CDH12: variants seen among roughly 807,000 people sequenced by gnomAD.
CDH12 encodes the protein cadherin-12.
A neutral mutation model predicts 74.1 loss-of-function variants in CDH12; 41 were observed. The observed-to-expected ratio is 0.55, with a 90% confidence interval of 0.43 to 0.72. CDH12 has a LOEUF of 0.72. CDH12 is among the 30% of genes least tolerant of loss of function. The pLI is 0.00. For synonymous variants in CDH12, 399 were observed against 355.0 expected (o/e 1.12, Z -1.39); for missense variants, 945 against 977.2 (o/e 0.97, Z 0.44).
At chr5:22,290,386 A>T (rs990927519) in intron 3 of CDH12, among the ~76,000 whole-genome samples, 18 of 152,220 alleles carry the variant, frequency 1.2e-4, no homozygotes, top group African/African-American at 4.3e-4. Context: ...CAGGAGAGCC[A>T]TTCAATGGAA....
At chr5:22,201,118 T>C (rs1750902139) in intron 4 of CDH12, among the ~76,000 whole-genome samples, 3 of 152,138 alleles carry the variant, frequency 2.0e-5, no homozygotes, top group South Asian at 2.1e-4. Flanking sequence ...AACCAAATGA[T>C]AGCAACCATG....
At chr5:22,380,065 A>G (rs1372362854) in intron 3 of CDH12, among the ~76,000 whole-genome samples, 1 of 152,136 alleles carries the variant, frequency 6.6e-6, no homozygotes, top group African/African-American at 2.4e-5. Context: ...GGTCCTCTCA[A>G]ACATTAAAAA....
chr5:21,761,618 T>C (rs938237869), intron 12 of CDH12, among the ~76,000 whole-genome samples: 1 of 152,104 alleles, frequency 6.6e-6, no homozygotes, highest in African/African-American at 2.4e-5. Context: ...ACACTGATGC[T>C]ATTAAACGTG....
chr5:22,486,453 T>A (rs1746601712), intron 2 of CDH12, among the ~76,000 whole-genome samples: 1 of 150,410 alleles, frequency 6.6e-6, no homozygotes, highest in Non-Finnish European at 1.5e-5. Flanking sequence ...GTAATTTTTT[T>A]TTTTTTTTTT....
At chr5:22,151,362 C>T (rs1747571168) in intron 4 of CDH12, among the ~76,000 whole-genome samples, 2 of 152,170 alleles carry the variant, frequency 1.3e-5, no homozygotes, top group South Asian at 4.1e-4. Flanking sequence ...AAGGAACTCA[C>T]TTTGGGAAAT....
At chr5:21,800,133 A>G (rs1443969278) in intron 10 of CDH12, among the ~76,000 whole-genome samples, 2 of 152,122 alleles carry the variant, frequency 1.3e-5, no homozygotes, top group East Asian at 3.9e-4. Flanking sequence ...GGAAACACAT[A>G]ATTTATTTGG....
At chr5:22,639,390 G>A (rs1739017854) in intron 1 of CDH12, among the ~76,000 whole-genome samples, 1 of 143,206 alleles carries the variant, frequency 7.0e-6, no homozygotes, top group Non-Finnish European at 1.5e-5. Context: ...GGCTGGGCAA[G>A]TTTTTAAATC....
chr5:22,153,984 ATATATATGT>A (rs1747827106), intron 4 of CDH12, among the ~76,000 whole-genome samples: 2 of 148,164 alleles, frequency 1.3e-5, no homozygotes, highest in Non-Finnish European at 3.0e-5. Flanking sequence ...ACATGCACAG[ATATATATGT>A]ATATATATGT....
chr5:22,267,568 A>G (rs1580463148), intron 3 of CDH12, among the ~76,000 whole-genome samples: 1 of 152,230 alleles, frequency 6.6e-6, no homozygotes. Flanking sequence ...ATTCAAAGGT[A>G]TGTACTTCTG....
At chr5:21,810,472 C>A (rs1013453318) in intron 9 of CDH12, among the ~76,000 whole-genome samples, 2 of 152,056 alleles carry the variant, frequency 1.3e-5, no homozygotes, top group African/African-American at 4.8e-5. Context: ...AGAAAAATCA[C>A]AGATTTTTGC....
rs190327134 is a variant in CDH12 at position 21,844,169 on chromosome 5, C to T, written c.647-1841G>A. Among the ~76,000 whole-genome samples, 55 of 152,068 alleles carry T rather than the reference C, an allele frequency of 3.6e-4. No homozygotes were observed. In the East Asian group the frequency reaches 8.6e-3, roughly 24 times the overall value. ...GATTAAAACATTAAGATGCAAAGAT[C>T]GTCTTTTCCCAAGATGATGCAATCA... On this transcript the variant is annotated intron_variant, in intron 7 of 14. Transcript: ENST00000382254.
chr5:22,638,153 G>A lies in CDH12; in HGVS notation c.-522-132789C>T, dbSNP rs911105427. On this transcript the variant is annotated intron_variant, in intron 1 of 14. Coordinates refer to ENST00000382254, the MANE Select transcript of CDH12 (RefSeq NM_004061.5). ...GTATTAGACTTCTCTAGAGGGACAG[G>A]AATATTAGGATAGATGTATATATGA... Among the ~76,000 whole-genome samples the A allele has an allele frequency of 8.1e-4, 124 of 152,158 alleles. 1 individual carries two copies. Among genetic ancestry groups the A allele is most frequent in the Non-Finnish European group, 7.3e-4 (50 of 68,042 alleles).
intron 1 of CDH12, among the ~76,000 whole-genome samples, chr5:22,570,714 A>G (rs536956451): frequency 6.6e-6 from 1 of 152,300 alleles, no homozygotes; most frequent in African/African-American, 2.4e-5. Context: ...CATTGGCTTC[A>G]ACTTAAAGTC....
At chr5:22,806,256 C>A (rs979254272) in intron 1 of CDH12, among the ~76,000 whole-genome samples, 1 of 152,058 alleles carries the variant, frequency 6.6e-6, no homozygotes. Flanking sequence ...AATGGTTGAA[C>A]TGATTTACAC....
At chr5:22,457,410 T>C (rs1037083958) in intron 2 of CDH12, among the ~76,000 whole-genome samples, 12 of 112,596 alleles carry the variant, frequency 1.1e-4, no homozygotes, top group African/African-American at 3.5e-4. Flanking sequence ...CCTCTTCCTC[T>C]TCCTCTTCTT....
chr5:22,160,127 AAGACTCTTCAGTTCAAT>A (rs1748250193), intron 4 of CDH12, among the ~76,000 whole-genome samples: 1 of 152,160 alleles, frequency 6.6e-6, no homozygotes, highest in African/African-American at 2.4e-5. Context: ...AAACTCCTCA[AAGACTCTTCAGTTCAAT>A]AGGGTATCCA....
chr5:21,939,923 T>C (rs1477757672), intron 6 of CDH12, among the ~76,000 whole-genome samples: 2 of 152,030 alleles, frequency 1.3e-5, no homozygotes, highest in Admixed American at 1.3e-4. Flanking sequence ...TAAACACTAA[T>C]ATAAAAAGTT....
chr5:21,935,066 G>A (rs1279206308), intron 6 of CDH12, among the ~76,000 whole-genome samples: 1 of 152,072 alleles, frequency 6.6e-6, no homozygotes, highest in Non-Finnish European at 1.5e-5. Context: ...GATTACAGGC[G>A]TGAGCCAACG....
At chr5:22,747,221 G>A (rs547032619) in intron 1 of CDH12, among the ~76,000 whole-genome samples, 1 of 152,004 alleles carries the variant, frequency 6.6e-6, no homozygotes, top group African/African-American at 2.4e-5. Flanking sequence ...TTACAGAAAG[G>A]CTTACCTATA....
Sources: gnomAD v4.1 joint callset for allele counts (sites outside exome capture counted in the v4.1 genomes callset) on GRCh38, gnomAD v4.1.1 for gene constraint, MANE v1.5 for transcripts, NCBI Gene and HGNC (gene_info 2026-07-23, HGNC 2026-07-21) for gene names.